RBM6: variants seen among roughly 807,000 people sequenced by gnomAD.
RBM6 encodes the protein RNA-binding protein 6.
In RBM6, 23 loss-of-function variants were observed where a neutral mutation model predicts 140.4. The ratio of observed to expected loss-of-function variants is 0.16; its 90% confidence interval spans 0.12 to 0.23. The LOEUF is 0.23. Among genes scored for constraint, RBM6 ranks in the 10% least tolerant of loss-of-function variants. The probability of loss-of-function intolerance (pLI) is 1.00; values close to 1 mark genes in which losing one functional copy is unlikely to be tolerated. For synonymous variants in RBM6, 439 were observed against 475.6 expected (o/e 0.92, Z 1.00); for missense variants, 1,139 against 1,386.7 (o/e 0.82, Z 2.84).
intron 6 of RBM6, among the ~76,000 whole-genome samples, chr3:50,016,843 T>TTTTTG (rs2087186562): frequency 6.6e-6 from 1 of 150,874 alleles, no homozygotes; most frequent in African/African-American, 2.4e-5. Context: ...TTTTTTTTTT[T>TTTTTG]GAGACAGAGT....
chr3:50,056,900 A>G (rs1315519401), intron 8 of RBM6, among the ~76,000 whole-genome samples: 1 of 152,214 alleles, frequency 6.6e-6, no homozygotes, highest in Admixed American at 6.5e-5. Context: ...ACGTGCAGAT[A>G]GGGTCTGTTC....
At chr3:49,958,338 G>A (rs1429673534) in intron 1 of RBM6, among the ~76,000 whole-genome samples, 1 of 152,030 alleles carries the variant, frequency 6.6e-6, no homozygotes, top group Non-Finnish European at 1.5e-5. Flanking sequence ...GGTGGATCAC[G>A]AGGTCAGGAG....
At chr3:50,047,048 G>C (rs1330624228) in intron 6 of RBM6, 3 of 378,010 alleles carry the variant, frequency 7.9e-6, no homozygotes, top group Non-Finnish European at 1.1e-5. Flanking sequence ...CCAGGGAATA[G>C]TGTCTCAGAC....
chr3:49,943,917 G>A (rs1449338507), intron 1 of RBM6, among the ~76,000 whole-genome samples: 1 of 152,094 alleles, frequency 6.6e-6, no homozygotes, highest in Admixed American at 6.6e-5. Flanking sequence ...AAATTTGTGT[G>A]TGTATATGTG....
At chr3:50,037,454 G>A (rs2088611847) in intron 6 of RBM6, among the ~76,000 whole-genome samples, 1 of 152,076 alleles carries the variant, frequency 6.6e-6, no homozygotes, top group African/African-American at 2.4e-5. Flanking sequence ...TAGTTGAACA[G>A]TATGTATTCA....
chr3:50,069,949 G>A (rs954636181), intron 18 of RBM6, among the ~76,000 whole-genome samples: 4 of 152,156 alleles, frequency 2.6e-5, no homozygotes, highest in Non-Finnish European at 4.4e-5. Flanking sequence ...GGAACCAAGC[G>A]TGCCAACTTA....
chr3:50,063,020 A>G lies in RBM6; in HGVS notation c.2586+912A>G, dbSNP rs376191103. ...GCAGTCCTCCCACCTCAGCCTCCCA[A>G]GTAGCGGGGACTACAGGCATGAGCC... On this transcript the variant is annotated intron_variant, in intron 15 of 20. Transcript: ENST00000266022. Among the ~76,000 whole-genome samples, 18 of 151,670 alleles carry G rather than the reference A, an allele frequency of 1.2e-4. No individual in the cohort carries two copies. The East Asian group carries it at 2.3e-3, about 20-fold the overall frequency.
At chr3:49,963,320 G>A (rs58621288) in intron 2 of RBM6, among the ~76,000 whole-genome samples, 10,602 of 151,764 alleles carry the variant, frequency 0.07, 388 homozygotes, top group Non-Finnish European at 0.077. Context: ...TGCAACATCC[G>A]CCTCCCGTGT....
chr3:49,964,478 T>G (rs979317490), intron 2 of RBM6, among the ~76,000 whole-genome samples: 1 of 152,248 alleles, frequency 6.6e-6, no homozygotes, highest in African/African-American at 2.4e-5. Context: ...TAGCCTGTTT[T>G]TGTAAATAAA....
chr3:49,941,355 TC>T (rs1394637043), intron 1 of RBM6, among the ~76,000 whole-genome samples: 2 of 152,060 alleles, frequency 1.3e-5, no homozygotes, highest in African/African-American at 4.8e-5. Context: ...GTAGCACCTT[TC>T]CTTATAGAAT....
At chr3:50,028,902 G>C (rs74819080) in intron 6 of RBM6, among the ~76,000 whole-genome samples, 1,681 of 152,306 alleles carry the variant, frequency 0.011, 38 homozygotes, top group African/African-American at 0.039. Context: ...CCCAACCCAA[G>C]TGACCTCCTT....
intron 1 of RBM6, among the ~76,000 whole-genome samples, chr3:49,945,176 A>ATTTTT (rs34249907): frequency 1.6e-5 from 2 of 122,118 alleles, no homozygotes; most frequent in Non-Finnish European, 3.3e-5. Flanking sequence ...CGCCCGGCCA[A>ATTTTT]TTTTTTTTTT....
intron 19 of RBM6, among the ~76,000 whole-genome samples, chr3:50,073,124 C>T (rs571766647): frequency 2.4e-4 from 37 of 152,198 alleles, no homozygotes; most frequent in Non-Finnish European, 2.1e-4. Flanking sequence ...CATAGCATCA[C>T]TGTCTACATG....
At chr3:49,982,151 T>G (rs2085331808) in intron 5 of RBM6, among the ~76,000 whole-genome samples, 1 of 151,950 alleles carries the variant, frequency 6.6e-6, no homozygotes, top group African/African-American at 2.4e-5. Context: ...TCTTGGAAAG[T>G]GAGTATTTGC....
rs778603351 is a variant in RBM6 at position 50,062,041 on chromosome 3, A to C, written c.2519A>C (p.Lys840Thr). Residue 840 changes from lysine (K) to threonine (T), a missense_variant, in exon 15 of 21, where the codon AAG becomes ACG. By Grantham distance (78) the Lys-to-Thr change is moderately conservative. Coordinates refer to ENST00000266022, the MANE Select transcript of RBM6 (RefSeq NM_005777.3). The stretch of plus-strand genomic sequence containing the variant: ...GAAAAAAAACCCACCAGTCAAGGAA[A>C]GTCAAGTAGCAAGAAGGAAATGTCT... ...IKEKKPTSQG[K>T]SSSKKEMSKR... is the part of the protein sequence containing the mutation. 6.2e-7 allele frequency: 1 copy of C among 1,614,142 alleles called. No homozygotes were observed. The highest frequency in any genetic ancestry group is 8.5e-7 in the Non-Finnish European group (1 of 1,179,990).
intron 5 of RBM6, among the ~76,000 whole-genome samples, chr3:49,997,548 T>TA (rs1293213674): frequency 1.3e-5 from 2 of 152,214 alleles, no homozygotes; most frequent in Non-Finnish European, 2.9e-5. Context: ...TCCGGGCAGC[T>TA]ATGGAGAGGG....
In RBM6 at chr3:50,048,234, T is replaced by C. The variant is rs1049480631; in HGVS notation, c.1558-11T>C. The C allele has an allele frequency of 2.5e-6, 4 of 1,612,074 alleles. No homozygotes were observed. In the African/African-American group the frequency reaches 4.0e-5, roughly 16 times the overall value. ...GGTTGATGTTGATGGCTTCTGTCTT[T>C]GTCTTTACAGGGAACTCTAATGATC... On this transcript the variant is annotated splice_polypyrimidine_tract_variant and intron_variant, in intron 6 of 20. Transcript: ENST00000266022.
At chr3:49,961,667 C>T (rs568430232) in intron 1 of RBM6, among the ~76,000 whole-genome samples, 34 of 151,660 alleles carry the variant, frequency 2.2e-4, no homozygotes, top group Admixed American at 3.9e-4. Context: ...GGCATGGTGA[C>T]GCGTGCCTGT....
intron 5 of RBM6, among the ~76,000 whole-genome samples, chr3:49,987,258 A>G (rs950542159): frequency 2.0e-5 from 3 of 151,674 alleles, no homozygotes; most frequent in African/African-American, 7.3e-5. Flanking sequence ...CCTCTGATGC[A>G]TATATTTTTT....
Sources: allele counts gnomAD v4.1 joint callset (sites outside exome capture counted in the v4.1 genomes callset), GRCh38; gene constraint gnomAD v4.1.1; transcripts MANE v1.5; gene names NCBI Gene and HGNC (gene_info 2026-07-23, HGNC 2026-07-21).